The following MCHR2 variants were observed in gnomAD, a reference collection of about 807,000 sequenced individuals.
MCHR2 encodes the protein melanin concentrating hormone receptor 2, also known as melanin-concentrating hormone receptor 2.
A neutral mutation model predicts 24.8 loss-of-function variants in MCHR2; 15 were observed. The ratio of observed to expected loss-of-function variants is 0.60; its 90% CI spans 0.40 to 0.93. The LOEUF is 0.93. Ranked by LOEUF, MCHR2 falls within the 40% of genes least tolerant of loss-of-function variation. MCHR2 has a pLI of 0.00. For missense variants in MCHR2, 386 were observed against 408.7 expected, an observed-to-expected ratio of 0.94 and a Z score of 0.48; for synonymous variants, 151 against 147.6, an observed-to-expected ratio of 1.02 and a Z score of -0.17.
chr6:99,957,514 C>T (rs4472355), intron 1 of MCHR2, among the ~76,000 whole-genome samples: 4,053 of 152,050 alleles, frequency 0.027, 168 homozygotes, highest in East Asian at 0.12. Context: ...CCTTTCAAAA[C>T]ATGAAAGAAT....
chr6:99,955,674 G>T (rs1443427665), intron 2 of MCHR2, among the ~76,000 whole-genome samples: 1 of 152,020 alleles, frequency 6.6e-6, no homozygotes, highest in African/African-American at 2.4e-5. Flanking sequence ...AAGCTCCCCA[G>T]ATGATTCTAA....
Position 99,952,819 on chromosome 6 carries a change from G to T in MCHR2, c.182+3147C>A, listed in dbSNP as rs76111383. Among the ~76,000 whole-genome samples the T allele has an allele frequency of 7.9e-3, 1,201 of 152,074 alleles. 15 individuals are homozygous for T. The highest frequency in any genetic ancestry group is 0.028 in the African/African-American group (1,143 of 41,500). ...TCTTAGCAAAAAAATTAAAACTGTT[G>T]TTTTAATTAAAAGTTGTTCCTGATA... On this transcript the variant is annotated intron_variant, in intron 2 of 5. Transcript: ENST00000281806.
At chr6:99,922,785 T>C (rs752195929) in intron 5 of MCHR2, among the ~76,000 whole-genome samples, 15 of 152,190 alleles carry the variant, frequency 9.9e-5, no homozygotes, top group Admixed American at 5.2e-4. Flanking sequence ...GCTGTTTTGG[T>C]TACCATAGAT....
intron 2 of MCHR2, among the ~76,000 whole-genome samples, chr6:99,954,195 C>T (rs1026185865): frequency 6.6e-6 from 1 of 152,072 alleles, no homozygotes; most frequent in African/African-American, 2.4e-5. Flanking sequence ...AGTTCGATTG[C>T]CAGGATCGCT....
At chr6:99,980,173 C>G (rs988525747) in intron 1 of MCHR2, among the ~76,000 whole-genome samples, 2 of 152,298 alleles carry the variant, frequency 1.3e-5, no homozygotes, top group Admixed American at 6.5e-5. Flanking sequence ...ACACTTGACT[C>G]CACCTGCTAT....
Position 99,920,560 on chromosome 6 carries a change from C to A in MCHR2, c.*380G>T. 5.2e-6 allele frequency: 1 copy of A among 191,798 alleles called. No individual in the cohort carries two copies. The highest frequency in any genetic ancestry group is 1.1e-5 in the Non-Finnish European group (1 of 91,634). 11.9% of individuals were successfully genotyped at this position (191,798 alleles called of 1,614,324 possible). On this transcript the variant is annotated 3_prime_UTR_variant, in exon 6 of 6. Transcript: ENST00000281806. ...CTCTAAGGTGATACCCTCCTAGGAA[C>A]CTTGAGGAAACTGTTACAGTGAGGC... is the stretch of plus-strand genomic sequence containing the variant.
chr6:99,928,185 GC>G (rs1774413625), intron 5 of MCHR2, among the ~76,000 whole-genome samples: 1 of 152,180 alleles, frequency 6.6e-6, no homozygotes, highest in Non-Finnish European at 1.5e-5. Context: ...CAGGGATGAA[GC>G]CCACTTGATC....
Position 99,919,372 on chromosome 6 carries a change from C to G in MCHR2, c.*1568G>C, listed in dbSNP as rs1005904557. 6.6e-6 allele frequency among the ~76,000 whole-genome samples: 1 copy of G among 152,094 alleles called. No homozygotes were observed. ...GGGTTGATTCAAATACAAGTTTATC[C>G]AAACACAATTGAAATATAAAAATGG... On this transcript the variant is annotated 3_prime_UTR_variant, in exon 6 of 6. Coordinates refer to ENST00000281806, the MANE Select transcript of MCHR2 (RefSeq NM_001040179.2).
At chr6:99,975,030 T>C (rs1182795574) in intron 1 of MCHR2, among the ~76,000 whole-genome samples, 1 of 152,236 alleles carries the variant, frequency 6.6e-6, no homozygotes, top group Non-Finnish European at 1.5e-5. Flanking sequence ...AGGGACCCAC[T>C]TGAGGAGGCA....
intron 2 of MCHR2, among the ~76,000 whole-genome samples, chr6:99,949,224 G>C (rs1418557353): frequency 6.6e-6 from 1 of 152,148 alleles, no homozygotes; most frequent in Non-Finnish European, 1.5e-5. Context: ...GCTGAACTAT[G>C]TATAAACCCT....
chr6:99,953,537 C>T (rs1024794216), intron 2 of MCHR2, among the ~76,000 whole-genome samples: 7 of 152,080 alleles, frequency 4.6e-5, no homozygotes, highest in Non-Finnish European at 1.0e-4. Flanking sequence ...ATATTGATTA[C>T]TTCCATTTTC....
intron 5 of MCHR2, among the ~76,000 whole-genome samples, chr6:99,931,478 G>A (rs1412039991): frequency 6.6e-6 from 1 of 152,212 alleles, no homozygotes; most frequent in Non-Finnish European, 1.5e-5. Flanking sequence ...TCCTTGAGCT[G>A]TGGTGGGCTC....
At chr6:99,965,978 C>A (rs1775290321) in intron 1 of MCHR2, among the ~76,000 whole-genome samples, 1 of 152,030 alleles carries the variant, frequency 6.6e-6, no homozygotes, top group African/African-American at 2.4e-5. Flanking sequence ...TCTTTTAATG[C>A]TTAATCAAAA....
In MCHR2 at chr6:99,987,357, T is replaced by C. The variant is rs545298601; in HGVS notation, c.-28+6579A>G. Among the ~76,000 whole-genome samples, 4 of 152,334 alleles carry C rather than the reference T, an allele frequency of 2.6e-5. No homozygotes were observed. The East Asian group carries it at 7.7e-4, about 29-fold the overall frequency. ...CACGAGGCCATAAGTGAATTTACTCTACCTTCCACCTTCTTTCCCTCTTCC... is the reference window on the plus strand; with the variant it reads ...CACGAGGCCATAAGTGAATTTACTCCACCTTCCACCTTCTTTCCCTCTTCC... On this transcript the variant is annotated intron_variant, in intron 1 of 5. Coordinates refer to ENST00000281806, the MANE Select transcript of MCHR2 (RefSeq NM_001040179.2).
chr6:99,925,504 AG>A (rs1441701275), intron 5 of MCHR2, among the ~76,000 whole-genome samples: 2 of 151,924 alleles, frequency 1.3e-5, no homozygotes, highest in Non-Finnish European at 2.9e-5. Context: ...CCTTTAGTGA[AG>A]GTGATTTTCT....
intron 1 of MCHR2, among the ~76,000 whole-genome samples, chr6:99,958,496 A>G (rs550900468): frequency 3.9e-5 from 6 of 152,090 alleles, no homozygotes; most frequent in Non-Finnish European, 4.4e-5. Context: ...CATAAACAAG[A>G]CACAGATGTT....
At chr6:99,991,821 A>AAAAAAG (rs1775886750) in intron 1 of MCHR2, among the ~76,000 whole-genome samples, 2 of 151,460 alleles carry the variant, frequency 1.3e-5, no homozygotes, top group Admixed American at 6.6e-5. Flanking sequence ...AAAAAAAAAA[A>AAAAAAG]AAAAAGAAAA....
At chr6:99,933,517 T>C (rs563660486) in intron 5 of MCHR2, among the ~76,000 whole-genome samples, 1 of 152,230 alleles carries the variant, frequency 6.6e-6, no homozygotes, top group East Asian at 1.9e-4. Context: ...TGCAAGACTT[T>C]CAAAGAATTC....
chr6:99,983,719 C>T (rs1482849774), intron 1 of MCHR2, among the ~76,000 whole-genome samples: 1 of 134,780 alleles, frequency 7.4e-6, no homozygotes, highest in Non-Finnish European at 1.7e-5. Flanking sequence ...TGACATGATG[C>T]TCACTTGTTA....
Sources: allele counts gnomAD v4.1 joint callset (sites outside exome capture counted in the v4.1 genomes callset), GRCh38; gene constraint gnomAD v4.1.1; transcripts MANE v1.5; gene names NCBI Gene and HGNC (gene_info 2026-07-23, HGNC 2026-07-21).